COL9A1: variants seen among roughly 807,000 people sequenced by gnomAD.
The protein encoded by COL9A1 is collagen alpha-1(IX) chain.
A neutral mutation model predicts 142.6 loss-of-function variants in COL9A1; 104 were observed. That is an observed-to-expected ratio of 0.73 (90% CI 0.62 to 0.86). The LOEUF is 0.86. Ranked by LOEUF, COL9A1 falls within the 40% of genes least tolerant of loss-of-function variation. The pLI is 0.00. For missense variants in COL9A1, 1,210 were observed against 1,176.6 expected, an observed-to-expected ratio of 1.03 and a Z score of -0.42; for synonymous variants, 466 against 396.0, an observed-to-expected ratio of 1.18 and a Z score of -2.10.
At chr6:70,266,261 AATAG>A (rs913825995) in intron 18 of COL9A1, among the ~76,000 whole-genome samples, 39 of 152,282 alleles carry the variant, frequency 2.6e-4, no homozygotes, top group African/African-American at 9.1e-4. Context: ...GTCAGAAATA[AATAG>A]ATAAATTGTT....
At chr6:70,241,850 G>A (rs1770280026) in intron 30 of COL9A1, 114 bp downstream of exon 30, 1 of 911,524 alleles carries the variant, frequency 1.1e-6, no homozygotes, top group South Asian at 1.4e-5. Context: ...CTTGATAGCT[G>A]TTTATGATAA....
chr6:70,232,464 T>C, intron 36 of COL9A1, 119 bp downstream of exon 36: 1 of 1,142,254 alleles, frequency 8.8e-7, no homozygotes, highest in South Asian at 1.3e-5. Flanking sequence ...AAGAGAATAA[T>C]ACATCTTATC....
intron 28 of COL9A1, among the ~76,000 whole-genome samples, chr6:70,246,615 T>C (rs1770626154): frequency 6.6e-6 from 1 of 152,204 alleles, no homozygotes; most frequent in South Asian, 2.1e-4. Context: ...TCTGTATGCA[T>C]TTATGTTGTA....
intron 21 of COL9A1, 72 bp downstream of exon 21, chr6:70,256,696 C>T (rs1212533184): frequency 2.4e-6 from 3 of 1,245,532 alleles, no homozygotes; most frequent in African/African-American, 1.5e-5. Flanking sequence ...ATAAACAATA[C>T]TGCACACACA....
chr6:70,254,573 G>A, intron 24 of COL9A1, 44 bp from the exon 25 acceptor site: 5 of 1,582,526 alleles, frequency 3.2e-6, no homozygotes, highest in Non-Finnish European at 4.3e-6. Context: ...TGTATGAGCT[G>A]CTGTATTTCT....
chr6:70,288,840 A>C lies in COL9A1; in HGVS notation c.697-5020T>G, dbSNP rs149158413. Among the ~76,000 whole-genome samples the C allele has an allele frequency of 1.1e-4, 16 of 152,232 alleles. No individual in the cohort carries two copies. In the East Asian group the frequency reaches 3.1e-3, roughly 29 times the overall value. On this transcript the variant is annotated intron_variant, in intron 5 of 37. Coordinates refer to ENST00000357250, the MANE Select transcript of COL9A1 (RefSeq NM_001851.6). ...ATTTTTCCCCATAGCATTTATGACC[A>C]CCTGGCATCCTCCACATATACTTAT... is the stretch of plus-strand genomic sequence containing the variant.
intron 37 of COL9A1, among the ~76,000 whole-genome samples, chr6:70,218,177 G>A (rs1236544331): frequency 3.9e-5 from 6 of 152,246 alleles, no homozygotes; most frequent in African/African-American, 1.4e-4. Context: ...ACAATTGGAA[G>A]CACCTGATAA....
intron 5 of COL9A1, among the ~76,000 whole-genome samples, chr6:70,293,048 G>C (rs1429112883): frequency 1.3e-5 from 2 of 152,140 alleles, no homozygotes; most frequent in Non-Finnish European, 2.9e-5. Flanking sequence ...CAAGTTATTT[G>C]AACAATTCCA....
intron 5 of COL9A1, among the ~76,000 whole-genome samples, chr6:70,288,673 C>T (rs1773547154): frequency 6.6e-6 from 1 of 152,154 alleles, no homozygotes; most frequent in African/African-American, 2.4e-5. Flanking sequence ...ACACCAGACC[C>T]TTTTCCACTC....
rs191167218 is a variant in COL9A1 at position 70,247,825 on chromosome 6, A to T, written c.1872+4295T>A. ...AAAAAAAAAATCTGTCCAAACTCTA[A>T]CCATCACACACATCAGCTTCACAAA... is the stretch of plus-strand genomic sequence containing the variant. On this transcript the variant is annotated intron_variant, in intron 28 of 37. Transcript: ENST00000357250. Among the ~76,000 whole-genome samples the T allele has an allele frequency of 2.6e-5, 4 of 152,296 alleles. No individual in the cohort carries two copies. In the East Asian group the frequency reaches 7.7e-4, roughly 29 times the overall value.
At chr6:70,234,655 T>C (rs1769782765) in intron 34 of COL9A1, 62 bp from the exon 35 acceptor site, 1 of 1,609,346 alleles carries the variant, frequency 6.2e-7, no homozygotes, top group Non-Finnish European at 8.5e-7. Flanking sequence ...CATTGTTAAG[T>C]TGTAAACTGA....
In COL9A1 at chr6:70,294,353, C is replaced by T. The variant is rs759061294; in HGVS notation, c.510G>A (p.Ser170=). 3.3e-5 allele frequency: 54 copies of T among 1,613,916 alleles called. No individual in the cohort carries two copies. Among genetic ancestry groups the T allele is most frequent in the Admixed American group, 1.7e-4 (10 of 59,964 alleles). ...GGGAATCAAACAAGGAGGACAAATT[C>T]GAAAAGGCTGCTGTTTGGAGACTTC... ...LDGSLQTAAF[S]NLSSLFDSQW... The change falls in exon 5 of 38, where the codon TCG becomes TCA. Residue 170 remains serine, a synonymous_variant. Coordinates refer to ENST00000357250, the MANE Select transcript of COL9A1 (RefSeq NM_001851.6).
At chr6:70,280,624 T>G (rs1340198691) in intron 10 of COL9A1, 188 bp downstream of exon 10, 1 of 1,298,924 alleles carries the variant, frequency 7.7e-7, no homozygotes, top group African/African-American at 1.5e-5. Context: ...TATCCTCACC[T>G]TCACAAGTCC....
At chr6:70,294,646 T>A in intron 4 of COL9A1, 83 bp from the exon 5 acceptor site, 1 of 1,319,562 alleles carries the variant, frequency 7.6e-7, no homozygotes, top group Non-Finnish European at 1.1e-6. Flanking sequence ...TGAGGCCATT[T>A]TAGATGCCAG....
chr6:70,274,104 T>C (rs1220005745), intron 11 of COL9A1, 22 bp from the exon 12 acceptor site: 4 of 1,579,150 alleles, frequency 2.5e-6, no homozygotes, highest in Middle Eastern at 1.7e-4. Flanking sequence ...AATAGTTTCA[T>C]TGTACTGACC....
chr6:70,282,968 G>A (rs1773266467), intron 6 of COL9A1, 50 bp from the exon 7 acceptor site: 1 of 1,614,140 alleles, frequency 6.2e-7, no homozygotes. Flanking sequence ...CCTCAAACTC[G>A]ATCGCAACTT....
intron 28 of COL9A1, among the ~76,000 whole-genome samples, chr6:70,248,991 GA>G (rs1296285010): frequency 6.6e-6 from 1 of 152,022 alleles, no homozygotes; most frequent in Non-Finnish European, 1.5e-5. Flanking sequence ...AGAAATGAAG[GA>G]AAAAGCCATT....
intron 10 of COL9A1, among the ~76,000 whole-genome samples, chr6:70,279,163 A>G (rs1772952511): frequency 6.6e-6 from 1 of 152,250 alleles, no homozygotes; most frequent in Non-Finnish European, 1.5e-5. Context: ...GGAATATAGA[A>G]ATAAATTCAA....
Position 70,280,679 on chromosome 6 carries a change from G to C in COL9A1, c.975+133C>G, listed in dbSNP as rs74383354. The C allele has an allele frequency of 1.5e-3, 1,980 of 1,347,612 alleles. 19 individuals are homozygous for C. The African/African-American group carries it at 0.025, about 17-fold the overall frequency. 83.5% of individuals were successfully genotyped at this position (1,347,612 alleles called of 1,614,324 possible). ...TCCACGATCAATCAGGCGCTGGCAG[G>C]AGGCCAAGTTTAGAGCCACAGCGCG... On this transcript the variant is annotated intron_variant, in intron 10 of 37. Coordinates refer to ENST00000357250, the MANE Select transcript of COL9A1 (RefSeq NM_001851.6).
Sources: gnomAD v4.1 joint callset for allele counts (sites outside exome capture counted in the v4.1 genomes callset) on GRCh38, gnomAD v4.1.1 for gene constraint, MANE v1.5 for transcripts, NCBI Gene and HGNC (gene_info 2026-07-23, HGNC 2026-07-21) for gene names.